The following PKP4 variants were observed in gnomAD, a reference collection of about 807,000 sequenced individuals.
PKP4 encodes the protein plakophilin-4.
PKP4 carries 90 observed loss-of-function variants against 145.1 expected under a neutral mutation model. That is an observed-to-expected ratio of 0.62 (90% CI 0.52 to 0.74). The LOEUF is 0.74. Among genes scored for constraint, PKP4 ranks in the 30% least tolerant of loss-of-function variants. The pLI, the probability that PKP4 is intolerant of heterozygous loss-of-function variation, is 0.00. For missense variants in PKP4, 1,340 were observed against 1,482.7 expected, an observed-to-expected ratio of 0.90 and a Z score of 1.58; for synonymous variants, 563 against 577.2, an observed-to-expected ratio of 0.98 and a Z score of 0.35.
intron 2 of PKP4, among the ~76,000 whole-genome samples, chr2:158,569,753 A>G (rs1302311458): frequency 6.6e-6 from 1 of 152,202 alleles, no homozygotes; most frequent in East Asian, 1.9e-4. Flanking sequence ...TTAGTGTTCA[A>G]TAAATCAAAG....
chr2:158,505,091 C>T lies in PKP4; in HGVS notation c.-5-28089C>T, dbSNP rs868787745. ...ACTGATAGCATGCTATAGAATAATT[C>T]TGTTCTGCTCCTGCTTACTTCATGA... On this transcript the variant is annotated intron_variant, in intron 1 of 21. Coordinates refer to ENST00000389759, the MANE Select transcript of PKP4 (RefSeq NM_003628.6). Among the ~76,000 whole-genome samples the T allele has an allele frequency of 5.9e-4, 90 of 152,306 alleles. No individual in the cohort carries two copies. The Middle Eastern group carries it at 0.024, about 40-fold the overall frequency.
At chr2:158,574,697 T>C (rs1037167198) in intron 2 of PKP4, among the ~76,000 whole-genome samples, 4 of 152,216 alleles carry the variant, frequency 2.6e-5, no homozygotes, top group African/African-American at 4.8e-5. Context: ...CTTTATAGCT[T>C]CTTGATATTC....
chr2:158,511,134 C>G (rs2041474131), intron 1 of PKP4, among the ~76,000 whole-genome samples: 1 of 152,200 alleles, frequency 6.6e-6, no homozygotes, highest in Non-Finnish European at 1.5e-5. Context: ...CACCTGAAAT[C>G]TCAGCACTTT....
At chr2:158,463,753 G>A (rs1472370506) in intron 1 of PKP4, among the ~76,000 whole-genome samples, 2 of 152,138 alleles carry the variant, frequency 1.3e-5, no homozygotes, top group African/African-American at 4.8e-5. Context: ...TCTTCCCAAG[G>A]ATTTATGACA....
At chr2:158,672,036 G>A (rs2106009881) in intron 17 of PKP4, among the ~76,000 whole-genome samples, 1 of 152,326 alleles carries the variant, frequency 6.6e-6, no homozygotes, top group East Asian at 1.9e-4. Flanking sequence ...TGGGGCTGGA[G>A]CAGAGCCAGT....
intron 1 of PKP4, among the ~76,000 whole-genome samples, chr2:158,512,141 T>A (rs1005180661): frequency 6.6e-6 from 1 of 152,222 alleles, no homozygotes; most frequent in African/African-American, 2.4e-5. Context: ...CAGGCTTTAT[T>A]TTAAAATATA....
chr2:158,675,907 A>C (rs1303793560), intron 19 of PKP4, among the ~76,000 whole-genome samples: 1 of 152,228 alleles, frequency 6.6e-6, no homozygotes, highest in African/African-American at 2.4e-5. Flanking sequence ...CAAGTGAATA[A>C]GTGGCCACTC....
At chr2:158,654,725 A>G (rs1443078926) in intron 11 of PKP4, among the ~76,000 whole-genome samples, 1 of 152,144 alleles carries the variant, frequency 6.6e-6, no homozygotes, top group East Asian at 1.9e-4. Flanking sequence ...CTTAAAGGAC[A>G]CTCCTGAATA....
intron 1 of PKP4, among the ~76,000 whole-genome samples, chr2:158,505,430 G>A (rs538493591): frequency 1.3e-5 from 2 of 149,418 alleles, no homozygotes; most frequent in South Asian, 2.2e-4. Flanking sequence ...AGGGGAAATC[G>A]GGAGATTGAA....
intron 3 of PKP4, among the ~76,000 whole-genome samples, chr2:158,591,767 A>G (rs1558853055): frequency 6.6e-6 from 1 of 152,088 alleles, no homozygotes; most frequent in Non-Finnish European, 1.5e-5. Flanking sequence ...GAGATTATAA[A>G]TTTACATAAT....
rs2058217182 is a variant in PKP4, at chr2:158,678,601, A to G, written c.3277A>G (p.Ile1093Val). 1.2e-5 allele frequency: 19 copies of G among 1,610,504 alleles called. No homozygotes were observed. The highest frequency in any genetic ancestry group is 1.6e-5 in the Non-Finnish European group (19 of 1,176,644). ...LYPGSSKPSP[I>V]YISSYSSPAR... ...TACAGGCTCCAGCAAACCTTCACCA[A>G]TTTACATCAGTTCCTATTCCTCACC... The change falls in exon 21 of 22, where the codon ATT becomes GTT. Residue 1093 changes from isoleucine (I) to valine (V), a missense_variant. Physicochemically the swap from Ile to Val is conservative, Grantham distance 29 (BLOSUM62 3). Transcript: ENST00000389759.
chr2:158,641,641 C>T (rs184425472), intron 10 of PKP4, among the ~76,000 whole-genome samples: 139 of 152,254 alleles, frequency 9.1e-4, no homozygotes, highest in African/African-American at 3.1e-3. Context: ...TTTTAATGTG[C>T]ATAACAGTAT....
At chr2:158,498,815 T>G (rs1421211775) in intron 1 of PKP4, among the ~76,000 whole-genome samples, 2 of 50,442 alleles carry the variant, frequency 4.0e-5, no homozygotes, top group South Asian at 1.1e-3. Flanking sequence ...GTTGTGAGTG[T>G]TTTTTTTTTT....
intron 15 of PKP4, 108 bp from the exon 16 acceptor site, chr2:158,666,305 C>T (rs1312592753): frequency 7.1e-6 from 7 of 990,742 alleles, no homozygotes; most frequent in Non-Finnish European, 9.8e-6. Context: ...TGGAAAGAAA[C>T]CATTTAATCT....
At chr2:158,473,470 A>G (rs1184278750) in intron 1 of PKP4, among the ~76,000 whole-genome samples, 2 of 152,248 alleles carry the variant, frequency 1.3e-5, no homozygotes, top group South Asian at 2.1e-4. Context: ...GTGCAATACT[A>G]TGCAGCCATA....
At chr2:158,625,725 A>G (rs1158570910) in intron 7 of PKP4, among the ~76,000 whole-genome samples, 4 of 152,150 alleles carry the variant, frequency 2.6e-5, no homozygotes, top group African/African-American at 9.7e-5. Flanking sequence ...ATTAGTTGCA[A>G]TTCTAAGCAG....
intron 1 of PKP4, among the ~76,000 whole-genome samples, chr2:158,498,168 A>T (rs1246208684): frequency 6.6e-6 from 1 of 151,850 alleles, no homozygotes. Flanking sequence ...TTTTATTTTT[A>T]TTTTTTTGAG....
chr2:158,597,706 A>G (rs2049877119), intron 3 of PKP4, among the ~76,000 whole-genome samples: 2 of 152,228 alleles, frequency 1.3e-5, no homozygotes, highest in South Asian at 4.1e-4. Context: ...AATACTGAGT[A>G]AAATTTAATT....
intron 2 of PKP4, among the ~76,000 whole-genome samples, chr2:158,554,592 A>AT (rs1370577203): frequency 2.0e-5 from 3 of 151,844 alleles, no homozygotes; most frequent in South Asian, 2.1e-4. Context: ...TGCCAGGCTA[A>AT]TTTTTTGTAT....
Sources: allele counts gnomAD v4.1 joint callset (sites outside exome capture counted in the v4.1 genomes callset), GRCh38; gene constraint gnomAD v4.1.1; transcripts MANE v1.5; gene names NCBI Gene and HGNC (gene_info 2026-07-23, HGNC 2026-07-21).